Variants in TSHZ2 observed in about 807,000 individuals in gnomAD.
The protein encoded by TSHZ2 is teashirt zinc finger homeobox 2.
A neutral mutation model predicts 74.4 loss-of-function variants in TSHZ2; 21 were observed. The observed-to-expected ratio is 0.28, with a 90% CI of 0.20 to 0.41. The LOEUF is 0.41. Among genes scored for constraint, TSHZ2 ranks in the 10% least tolerant of loss-of-function variants. The pLI is 1.00. For missense variants in TSHZ2, 1,244 were observed against 1,293.5 expected (o/e 0.96, Z 0.59); for synonymous variants, 540 against 515.3 (o/e 1.05, Z -0.65).
intron 1 of TSHZ2, among the ~76,000 whole-genome samples, chr20:53,048,643 A>G (rs2123119631): frequency 6.6e-6 from 1 of 152,326 alleles, no homozygotes; most frequent in South Asian, 2.1e-4. Flanking sequence ...CTCTCCATAG[A>G]GAGCCCCACC....
chr20:53,058,164 G>T (rs1237247704), intron 1 of TSHZ2, among the ~76,000 whole-genome samples: 1 of 152,158 alleles, frequency 6.6e-6, no homozygotes, highest in Non-Finnish European at 1.5e-5. Flanking sequence ...AGGAGGCTCA[G>T]CTCGGGCCAT....
At chr20:53,365,580 C>T (rs151067386) in intron 2 of TSHZ2, among the ~76,000 whole-genome samples, 1 of 152,192 alleles carries the variant, frequency 6.6e-6, no homozygotes, top group Non-Finnish European at 1.5e-5. Flanking sequence ...AGGTGACCAG[C>T]TAGATGCTGG....
At chr20:53,318,334 A>G (rs1979108743) in intron 2 of TSHZ2, among the ~76,000 whole-genome samples, 1 of 152,172 alleles carries the variant, frequency 6.6e-6, no homozygotes, top group African/African-American at 2.4e-5. Context: ...GGCTCCCCAT[A>G]AATGCACCCA....
At chr20:53,342,318 T>A (rs1000657435) in intron 2 of TSHZ2, among the ~76,000 whole-genome samples, 6 of 124,324 alleles carry the variant, frequency 4.8e-5, no homozygotes, top group African/African-American at 1.3e-4. Flanking sequence ...TTTTTTTTTT[T>A]AATGATGACC....
At chr20:53,432,369 A>T (rs1983876376) in intron 2 of TSHZ2, among the ~76,000 whole-genome samples, 1 of 152,198 alleles carries the variant, frequency 6.6e-6, no homozygotes, top group Non-Finnish European at 1.5e-5. Flanking sequence ...TTATCCACTC[A>T]TCAGTTGATG....
intron 1 of TSHZ2, among the ~76,000 whole-genome samples, chr20:52,985,045 C>T (rs1263893299): frequency 1.3e-5 from 2 of 152,216 alleles, no homozygotes; most frequent in East Asian, 3.8e-4. Context: ...TGCCTACATT[C>T]TAGAACTGAC....
chr20:53,415,803 C>T (rs534845742), intron 2 of TSHZ2, among the ~76,000 whole-genome samples: 525 of 50,682 alleles, frequency 0.01, 4 homozygotes, highest in African/African-American at 0.038. Flanking sequence ...TAGATATACA[C>T]ACACACACAC....
chr20:53,314,352 T>A (rs949335802), intron 2 of TSHZ2, among the ~76,000 whole-genome samples: 4 of 151,922 alleles, frequency 2.6e-5, no homozygotes, highest in African/African-American at 9.7e-5. Context: ...GTGTAACTAA[T>A]CGACCCCAAA....
chr20:53,102,402 A>G, intron 1 of TSHZ2, among the ~76,000 whole-genome samples: 1 of 152,038 alleles, frequency 6.6e-6, no homozygotes. Flanking sequence ...TTAACGAAAA[A>G]AAAAGAAAAG....
intron 1 of TSHZ2, among the ~76,000 whole-genome samples, chr20:53,197,066 C>T (rs568344538): frequency 2.6e-5 from 4 of 152,344 alleles, no homozygotes; most frequent in East Asian, 3.9e-4. Flanking sequence ...GCCCCATCCT[C>T]GTTTTCATTT....
At chr20:53,000,148 A>G (rs979126329) in intron 1 of TSHZ2, among the ~76,000 whole-genome samples, 1 of 152,238 alleles carries the variant, frequency 6.6e-6, no homozygotes, top group African/African-American at 2.4e-5. Context: ...GCAGGGGTTG[A>G]CAAACTGTGA....
intron 2 of TSHZ2, among the ~76,000 whole-genome samples, chr20:53,380,045 T>C (rs1041948707): frequency 6.6e-5 from 10 of 152,234 alleles, no homozygotes; most frequent in African/African-American, 2.4e-4. Flanking sequence ...AACCTGTATC[T>C]GTTTACCCAG....
At chr20:53,103,222 T>C (rs1259906028) in intron 1 of TSHZ2, among the ~76,000 whole-genome samples, 1 of 152,188 alleles carries the variant, frequency 6.6e-6, no homozygotes, top group Admixed American at 6.5e-5. Flanking sequence ...CCCAAGTATA[T>C]TGAAAAAACA....
chr20:53,092,881 A>G (rs1212805611), intron 1 of TSHZ2, among the ~76,000 whole-genome samples: 1 of 152,200 alleles, frequency 6.6e-6, no homozygotes, highest in Non-Finnish European at 1.5e-5. Flanking sequence ...TTTGCAGGTC[A>G]TATAGTCTCT....
At chr20:53,156,177 A>T (rs1987789290) in intron 1 of TSHZ2, among the ~76,000 whole-genome samples, 1 of 152,158 alleles carries the variant, frequency 6.6e-6, no homozygotes. Flanking sequence ...TCTAAATTTC[A>T]TCATGGTAAT....
chr20:53,202,408 G>C (rs550778356), intron 1 of TSHZ2, among the ~76,000 whole-genome samples: 5 of 152,244 alleles, frequency 3.3e-5, no homozygotes, highest in African/African-American at 9.6e-5. Context: ...TTTGCAACTT[G>C]GTACATGATT....
Position 53,009,255 on chromosome 20 carries a change from T to C in TSHZ2, c.40+35922T>C, listed in dbSNP as rs927015333. On this transcript the variant is annotated intron_variant, in intron 1 of 2. Coordinates refer to ENST00000371497, the MANE Select transcript of TSHZ2 (RefSeq NM_173485.6). ...CAGGAGGCTGAGGCTGGAGAATCGG[T>C]TGAATCAGGGAGGTTGAGGCTGCAG... is the stretch of plus-strand genomic sequence containing the variant. Among the ~76,000 whole-genome samples the C allele has an allele frequency of 9.9e-5, 15 of 152,112 alleles. No homozygotes were observed. The East Asian group carries it at 1.9e-3, about 20-fold the overall frequency.
chr20:53,349,485 C>T (rs2145583472), intron 2 of TSHZ2, among the ~76,000 whole-genome samples: 1 of 152,158 alleles, frequency 6.6e-6, no homozygotes, highest in African/African-American at 2.4e-5. Context: ...GACCCCATCT[C>T]TACAAACAAT....
intron 1 of TSHZ2, among the ~76,000 whole-genome samples, chr20:53,122,998 C>G (rs994798208): frequency 1.3e-5 from 2 of 152,184 alleles, no homozygotes. Context: ...TACTCTTCCA[C>G]TTCCCTTCCC....
Sources: allele counts gnomAD v4.1 joint callset (sites outside exome capture counted in the v4.1 genomes callset), GRCh38; gene constraint gnomAD v4.1.1; transcripts MANE v1.5; gene names NCBI Gene and HGNC (gene_info 2026-07-23, HGNC 2026-07-21).